The following HS3ST5 variants were observed in gnomAD, a reference collection of about 807,000 sequenced individuals.
The protein encoded by HS3ST5 is heparan sulfate-glucosamine 3-sulfotransferase 5.
HS3ST5 carries 10 observed loss-of-function variants against 25.4 expected under a neutral mutation model. That is an observed-to-expected ratio of 0.39 (90% CI 0.24 to 0.67). The LOEUF (loss-of-function observed/expected upper bound fraction) is 0.67. HS3ST5 is among the 30% of genes least tolerant of loss of function. HS3ST5 has a pLI of 0.44. For synonymous variants in HS3ST5, 170 were observed against 162.4 expected, an observed-to-expected ratio of 1.05 and a Z score of -0.36; for missense variants, 324 against 420.7, an observed-to-expected ratio of 0.77 and a Z score of 2.01.
intron 3 of HS3ST5, among the ~76,000 whole-genome samples, chr6:114,143,260 ATGAGT>A (rs1243262733): frequency 6.6e-6 from 1 of 152,248 alleles, no homozygotes; most frequent in Non-Finnish European, 1.5e-5. Context: ...TAAAGGTTAA[ATGAGT>A]TAATATCCAT....
chr6:114,193,127 A>G lies in HS3ST5; in HGVS notation c.-144-24665T>C, dbSNP rs950588838. ...TAATATCTTGTTAACTCATTCATGG[A>G]GCACTTTCAATTAGCAAACTTCTAT... On this transcript the variant is annotated intron_variant, in intron 2 of 4. Transcript: ENST00000312719. Among the ~76,000 whole-genome samples, 5 of 152,180 alleles carry G rather than the reference A, an allele frequency of 3.3e-5. No homozygotes were observed. In the East Asian group the frequency reaches 5.8e-4, roughly 18 times the overall value.
At chr6:114,151,852 A>G (rs546813170) in intron 3 of HS3ST5, among the ~76,000 whole-genome samples, 1 of 152,348 alleles carries the variant, frequency 6.6e-6, no homozygotes, top group East Asian at 1.9e-4. Context: ...TCAATTCAAT[A>G]CATTCAGCTA....
intron 3 of HS3ST5, among the ~76,000 whole-genome samples, chr6:114,105,960 A>T (rs1018522338): frequency 1.1e-4 from 17 of 152,154 alleles, no homozygotes; most frequent in African/African-American, 4.1e-4. Context: ...TTGTGGCATT[A>T]GTGAAATTTA....
chr6:114,318,143 T>C (rs1009578931), intron 1 of HS3ST5, among the ~76,000 whole-genome samples: 2 of 152,150 alleles, frequency 1.3e-5, no homozygotes, highest in African/African-American at 4.8e-5. Context: ...TTGCTATTCA[T>C]GGCTCTCTGT....
At chr6:114,196,791 T>C (rs907921160) in intron 2 of HS3ST5, among the ~76,000 whole-genome samples, 24 of 152,268 alleles carry the variant, frequency 1.6e-4, no homozygotes, top group African/African-American at 5.8e-4. Flanking sequence ...TTTCGTTTAA[T>C]GTAGTTTTGA....
intron 1 of HS3ST5, among the ~76,000 whole-genome samples, chr6:114,285,407 A>AT (rs1459136081): frequency 2.0e-5 from 3 of 152,024 alleles, no homozygotes; most frequent in Non-Finnish European, 4.4e-5. Flanking sequence ...GTTTACCTAT[A>AT]TAACAAATCT....
At chr6:114,229,388 T>C (rs532274769) in intron 1 of HS3ST5, among the ~76,000 whole-genome samples, 2 of 152,298 alleles carry the variant, frequency 1.3e-5, no homozygotes, top group East Asian at 3.9e-4. Context: ...AAATTGGTAA[T>C]CAACCATGCA....
At chr6:114,116,866 A>G (rs1776556322) in intron 3 of HS3ST5, among the ~76,000 whole-genome samples, 1 of 152,112 alleles carries the variant, frequency 6.6e-6, no homozygotes, top group South Asian at 2.1e-4. Context: ...TTACTGTATT[A>G]TAATAATCTG....
chr6:114,057,344 G>A lies in HS3ST5; in HGVS notation c.954C>T (p.Pro318=). Residue 318 remains proline, a synonymous_variant, in exon 5 of 5, where the codon CCC becomes CCT. Transcript: ENST00000312719. ...ATTTGCGCAATTTAGTAATGACAGA[G>A]GGGTCCACCTCTGGATGAATGCGCC... is the stretch of plus-strand genomic sequence containing the variant. ...SKGRIHPEVD[P]SVITKLRKFF... The A allele has an allele frequency of 1.2e-6, 2 of 1,614,080 alleles. No individual in the cohort carries two copies. Among genetic ancestry groups the A allele is most frequent in the South Asian group, 1.1e-5 (1 of 91,080 alleles).
intron 1 of HS3ST5, among the ~76,000 whole-genome samples, chr6:114,329,454 G>A (rs764452801): frequency 6.6e-6 from 1 of 152,162 alleles, no homozygotes; most frequent in Non-Finnish European, 1.5e-5. Context: ...CACGGGATTG[G>A]CATTGGGACT....
intron 1 of HS3ST5, among the ~76,000 whole-genome samples, chr6:114,288,834 G>T (rs549752221): frequency 6.6e-6 from 1 of 151,984 alleles, no homozygotes; most frequent in Non-Finnish European, 1.5e-5. Flanking sequence ...TAGTTATGAG[G>T]ACCATTGCCT....
rs962303638 is a variant in HS3ST5, at chr6:114,270,812, A to C, written c.-338-42034T>G. ...ATTCAGAAAGCTTGTTCTCATTACAAAAAATAAAAAGGGTTGGGATTAGCC... is the reference window on the plus strand; with the variant it reads ...ATTCAGAAAGCTTGTTCTCATTACACAAAATAAAAAGGGTTGGGATTAGCC... On this transcript the variant is annotated intron_variant, in intron 1 of 4. Transcript: ENST00000312719. 2.5e-4 allele frequency among the ~76,000 whole-genome samples: 38 copies of C among 152,292 alleles called. 1 individual carries two copies. Among genetic ancestry groups the C allele is most frequent in the African/African-American group, 8.7e-4 (36 of 41,584 alleles).
intron 3 of HS3ST5, among the ~76,000 whole-genome samples, chr6:114,133,671 A>G (rs1480876884): frequency 6.6e-6 from 1 of 152,228 alleles, no homozygotes; most frequent in African/African-American, 2.4e-5. Context: ...AAATATAAGA[A>G]AAATAATGCA....
intron 1 of HS3ST5, among the ~76,000 whole-genome samples, chr6:114,251,115 A>G (rs1040258): frequency 0.18 from 27,247 of 152,144 alleles, 2,477 homozygotes; most frequent in East Asian, 0.27. Flanking sequence ...CCAATACAGA[A>G]ATAGGGGTAA....
chr6:114,126,610 G>T (rs1777050030), intron 3 of HS3ST5, among the ~76,000 whole-genome samples: 2 of 152,216 alleles, frequency 1.3e-5, no homozygotes, highest in South Asian at 4.1e-4. Context: ...TCTAATGTAT[G>T]TAAGAGCAGG....
chr6:114,171,298 A>T (rs1779462535), intron 2 of HS3ST5, among the ~76,000 whole-genome samples: 1 of 152,196 alleles, frequency 6.6e-6, no homozygotes, highest in African/African-American at 2.4e-5. Context: ...ATGTGGCCAG[A>T]AGGTGTTTTC....
At chr6:114,077,955 A>G (rs1390737539) in intron 3 of HS3ST5, among the ~76,000 whole-genome samples, 1 of 152,160 alleles carries the variant, frequency 6.6e-6, no homozygotes, top group Non-Finnish European at 1.5e-5. Context: ...ACACTATGCC[A>G]TGTATTTCTT....
chr6:114,112,582 T>G (rs1472135945), intron 3 of HS3ST5: 1 of 152,190 alleles, frequency 6.6e-6, no homozygotes, highest in African/African-American at 2.4e-5. Context: ...AACTATCTAC[T>G]TACTCTCTGC....
At chr6:114,200,182 A>G (rs1780947490) in intron 2 of HS3ST5, among the ~76,000 whole-genome samples, 1 of 152,068 alleles carries the variant, frequency 6.6e-6, no homozygotes, top group South Asian at 2.1e-4. Flanking sequence ...GCACCATTGA[A>G]CTCCAGCTTG....
Sources: gnomAD v4.1 joint callset for allele counts (sites outside exome capture counted in the v4.1 genomes callset) on GRCh38, gnomAD v4.1.1 for gene constraint, MANE v1.5 for transcripts, NCBI Gene and HGNC (gene_info 2026-07-23, HGNC 2026-07-21) for gene names.